The following RNF185 variants were observed in gnomAD, a reference collection of about 807,000 sequenced individuals.
The protein encoded by RNF185 is E3 ubiquitin-protein ligase RNF185.
RNF185 carries 13 observed loss-of-function variants against 24.9 expected under a neutral mutation model. The ratio of observed to expected loss-of-function variants is 0.52; its 90% confidence interval spans 0.34 to 0.83. The LOEUF (loss-of-function observed/expected upper bound fraction) is 0.83, where lower values mean the gene tolerates loss of function less well. Ranked by LOEUF, RNF185 falls within the 40% of genes least tolerant of loss-of-function variation. The pLI is 0.01. For missense variants in RNF185, 184 were observed against 244.7 expected (o/e 0.75, Z 1.65); for synonymous variants, 79 against 90.3 (o/e 0.88, Z 0.71).
intron 1 of RNF185, among the ~76,000 whole-genome samples, chr22:31,176,688 C>T (rs1366767255): frequency 6.6e-6 from 1 of 151,484 alleles, no homozygotes; most frequent in East Asian, 2.0e-4. Context: ...CGGGGTTTCA[C>T]CGTGTTAGCC....
At chr22:31,176,896 G>A (rs138495244) in intron 1 of RNF185, among the ~76,000 whole-genome samples, 21 of 152,272 alleles carry the variant, frequency 1.4e-4, no homozygotes, top group African/African-American at 4.6e-4. Flanking sequence ...TTATGTGGAC[G>A]TACCAGTTTA....
intron 4 of RNF185, among the ~76,000 whole-genome samples, chr22:31,195,986 C>A (rs1044343195): frequency 6.6e-5 from 10 of 152,150 alleles, no homozygotes; most frequent in Non-Finnish European, 1.5e-4. Flanking sequence ...GTCCAGCATT[C>A]AACAAACACA....
chr22:31,160,692 G>GGCCA (rs1323997307), intron 1 of RNF185, among the ~76,000 whole-genome samples: 2 of 152,134 alleles, frequency 1.3e-5, no homozygotes, highest in Non-Finnish European at 2.9e-5. Flanking sequence ...TAAGAGACCT[G>GGCCA]GATTCGAGAC....
intron 1 of RNF185, among the ~76,000 whole-genome samples, chr22:31,167,129 T>G (rs1463835643): frequency 6.6e-6 from 1 of 152,222 alleles, no homozygotes; most frequent in Non-Finnish European, 1.5e-5. Flanking sequence ...ATTTTTTTTA[T>G]TGTGGTAAGA....
chr22:31,166,320 T>C (rs1415831315), intron 1 of RNF185, among the ~76,000 whole-genome samples: 2 of 151,962 alleles, frequency 1.3e-5, no homozygotes, highest in Non-Finnish European at 2.9e-5. Context: ...TTTTGGGAAA[T>C]ACAGAAAAAT....
chr22:31,188,895 C>T (rs540500635), intron 2 of RNF185, among the ~76,000 whole-genome samples: 7 of 146,384 alleles, frequency 4.8e-5, no homozygotes, highest in South Asian at 2.1e-4. Context: ...CCAAGGTGGG[C>T]GGATCACAAG....
chr22:31,178,098 A>C (rs1036389379), intron 1 of RNF185, among the ~76,000 whole-genome samples: 3 of 152,186 alleles, frequency 2.0e-5, no homozygotes, highest in African/African-American at 7.2e-5. Context: ...AAGTATTGCA[A>C]ATCCGCGTTA....
chr22:31,166,803 C>T (rs1159349367), intron 1 of RNF185, among the ~76,000 whole-genome samples: 1 of 152,062 alleles, frequency 6.6e-6, no homozygotes, highest in Non-Finnish European at 1.5e-5. Context: ...GTGCCTGCCA[C>T]CATGCCCAGC....
intron 6 of RNF185, 21 bp downstream of exon 6, chr22:31,201,636 GA>G: frequency 6.5e-7 from 1 of 1,527,998 alleles, no homozygotes; most frequent in Non-Finnish European, 9.1e-7. Flanking sequence ...ATTTCCTTGA[GA>G]AATTAGGAAG....
rs529920537 is a variant in RNF185 at position 31,171,419 on chromosome 22, G to A, written c.-49+11116G>A. Among the ~76,000 whole-genome samples, 19 of 151,468 alleles carry A rather than the reference G, an allele frequency of 1.3e-4. No homozygotes were observed. The South Asian group carries it at 3.1e-3, about 25-fold the overall frequency. Reference sequence around the variant, plus strand: ...TGGTCTTGAACTCCTGACCTCAGGCGATCCACCCGCCTTGGCCTCCCAAAG... The same window carrying A: ...TGGTCTTGAACTCCTGACCTCAGGCAATCCACCCGCCTTGGCCTCCCAAAG... On this transcript the variant is annotated intron_variant, in intron 1 of 6. Coordinates refer to ENST00000326132, the MANE Select transcript of RNF185 (RefSeq NM_152267.4).
In RNF185 at chr22:31,198,957, G is replaced by A. The variant is rs530027411; in HGVS notation, c.363+1967G>A. 6.0e-5 allele frequency among the ~76,000 whole-genome samples: 9 copies of A among 150,906 alleles called. No homozygotes were observed. In the South Asian group the frequency reaches 1.1e-3, roughly 18 times the overall value. ...TTTCTTAAAAACATAAAAATTAGCC[G>A]GGTGTGGTGGCATGTGCCTGTAGTC... is the stretch of plus-strand genomic sequence containing the variant. On this transcript the variant is annotated intron_variant, in intron 5 of 6. Coordinates refer to ENST00000326132, the MANE Select transcript of RNF185 (RefSeq NM_152267.4).
In RNF185 at chr22:31,180,915, C is replaced by CTGTGTGTGTG. The variant is rs567264606; in HGVS notation, c.-48-6098_-48-6089dup. On this transcript the variant is annotated intron_variant, in intron 1 of 6. Coordinates refer to ENST00000326132, the MANE Select transcript of RNF185 (RefSeq NM_152267.4). ...TTTTCTAGGCATTTTCTCTCTCTCT[C>CTGTGTGTGTG]TGTGTGTGTGTGTGTGTGTGTGTGT... Among the ~76,000 whole-genome samples the CTGTGTGTGTG allele has an allele frequency of 3.0e-3, 289 of 96,852 alleles. 2 individuals are homozygous for CTGTGTGTGTG. Among genetic ancestry groups the CTGTGTGTGTG allele is most frequent in the Admixed American group, 0.023 (210 of 9,140 alleles). 63.5% of individuals were successfully genotyped at this position (96,852 alleles called of 152,430 possible).
At chr22:31,185,439 T>C (rs188582001) in intron 1 of RNF185, among the ~76,000 whole-genome samples, 36 of 152,240 alleles carry the variant, frequency 2.4e-4, no homozygotes, top group Non-Finnish European at 4.6e-4. Flanking sequence ...CAGTGGTAAG[T>C]CCTAAATTTG....
At chr22:31,190,502 G>T (rs1055306554) in intron 2 of RNF185, among the ~76,000 whole-genome samples, 36 of 152,102 alleles carry the variant, frequency 2.4e-4, no homozygotes, top group African/African-American at 8.7e-4. Context: ...GGCCAGGCTG[G>T]TCTTGAACTC....
chr22:31,203,691 A>G (rs1171396782), intron 6 of RNF185, among the ~76,000 whole-genome samples: 1 of 151,984 alleles, frequency 6.6e-6, no homozygotes, highest in Admixed American at 6.6e-5. Context: ...TCTTGTCCTT[A>G]TTGTTATTGT....
chr22:31,201,643 G>A (rs775721107), intron 6 of RNF185, 28 bp downstream of exon 6: 3 of 1,492,338 alleles, frequency 2.0e-6, no homozygotes, highest in Non-Finnish European at 2.8e-6. Context: ...TGAGAAATTA[G>A]GAAGATATCT....
chr22:31,179,718 T>G (rs188393984), intron 1 of RNF185, among the ~76,000 whole-genome samples: 4 of 152,328 alleles, frequency 2.6e-5, no homozygotes, highest in African/African-American at 4.8e-5. Context: ...GACCTGTTAC[T>G]GTCCCTTAAC....
At chr22:31,191,391 A>C (rs2048154205) in intron 2 of RNF185, among the ~76,000 whole-genome samples, 1 of 152,234 alleles carries the variant, frequency 6.6e-6, no homozygotes, top group African/African-American at 2.4e-5. Context: ...GAATTGGAAA[A>C]GGAACTATCC....
intron 3 of RNF185, among the ~76,000 whole-genome samples, chr22:31,193,043 G>A (rs915730516): frequency 2.0e-5 from 3 of 152,188 alleles, no homozygotes; most frequent in Non-Finnish European, 4.4e-5. Context: ...GCCCTTAAAG[G>A]TTATGAAAAT....
Sources: allele counts gnomAD v4.1 joint callset (sites outside exome capture counted in the v4.1 genomes callset), GRCh38; gene constraint gnomAD v4.1.1; transcripts MANE v1.5; gene names NCBI Gene and HGNC (gene_info 2026-07-23, HGNC 2026-07-21).